The following FRMD4A variants were observed in gnomAD, a reference collection of about 807,000 sequenced individuals.
FRMD4A encodes the protein FERM domain-containing protein 4A.
FRMD4A carries 29 observed loss-of-function variants against 129.1 expected under a neutral mutation model. The observed-to-expected ratio is 0.22, with a 90% CI of 0.17 to 0.31. The LOEUF (loss-of-function observed/expected upper bound fraction) is 0.31. FRMD4A is among the 10% of genes least tolerant of loss of function. The pLI, the probability that FRMD4A is intolerant of heterozygous loss-of-function variation, is 1.00. For missense variants in FRMD4A, 1,272 were observed against 1,375.8 expected (o/e 0.92, Z 1.19); for synonymous variants, 634 against 571.6 (o/e 1.11, Z -1.56).
intron 2 of FRMD4A, among the ~76,000 whole-genome samples, chr10:14,152,272 C>T (rs956798575): frequency 6.6e-6 from 1 of 151,726 alleles, no homozygotes; most frequent in African/African-American, 2.4e-5. Flanking sequence ...GGACTACAGA[C>T]ACCCGCCACC....
Position 13,645,369 on chromosome 10 carries a change from T to TC in FRMD4A, c.*1668dup, listed in dbSNP as rs1482104456. 6.7e-5 allele frequency: 5 copies of TC among 75,126 alleles called. No individual in the cohort carries two copies. The East Asian group carries it at 1.9e-3, about 29-fold the overall frequency. The allele number at this position is 75,126 out of a possible 1,614,324, so 4.7% of individuals were successfully genotyped here. The stretch of plus-strand genomic sequence containing the variant: ...AGAAAAAAATTCCACCCCCACCCCA[T>TC]CCCCCCACCACTTGCGCCAAAAGCA... On this transcript the variant is annotated 3_prime_UTR_variant, in exon 25 of 25. Coordinates refer to ENST00000357447, the MANE Select transcript of FRMD4A (RefSeq NM_018027.5).
intron 2 of FRMD4A, among the ~76,000 whole-genome samples, chr10:14,213,907 G>T (rs1013046072): frequency 6.6e-6 from 1 of 152,150 alleles, no homozygotes; most frequent in African/African-American, 2.4e-5. Flanking sequence ...CCTTTCACTT[G>T]GGTTTCGTTC....
chr10:13,929,381 C>G (rs985582257), intron 2 of FRMD4A, among the ~76,000 whole-genome samples: 1 of 152,208 alleles, frequency 6.6e-6, no homozygotes, highest in Admixed American at 6.5e-5. Flanking sequence ...TTGTGTCCAC[C>G]TGGCAGGTGC....
intron 2 of FRMD4A, among the ~76,000 whole-genome samples, chr10:13,874,998 A>G (rs780773006): frequency 1.3e-5 from 2 of 152,154 alleles, no homozygotes; most frequent in Admixed American, 6.6e-5. Flanking sequence ...GGGACACCCT[A>G]ACTCACACCT....
intron 2 of FRMD4A, among the ~76,000 whole-genome samples, chr10:14,097,997 G>T (rs2400035): frequency 0.22 from 28,270 of 126,230 alleles, 5,232 homozygotes; most frequent in East Asian, 0.36. Flanking sequence ...ATAAATTATA[G>T]ATTATATATA....
In FRMD4A at chr10:13,696,090, C is replaced by T. The variant is rs576321084; in HGVS notation, c.976-2051G>A. On this transcript the variant is annotated intron_variant, in intron 14 of 24. Coordinates refer to ENST00000357447, the MANE Select transcript of FRMD4A (RefSeq NM_018027.5). ...CCTCGACTTATGCTTCCTTGCTAAC[C>T]TCAACTTTTTTCCTTGCATTCAGAC... 2.6e-5 allele frequency among the ~76,000 whole-genome samples: 4 copies of T among 152,328 alleles called. No individual in the cohort carries two copies. The South Asian group carries it at 6.2e-4, about 24-fold the overall frequency.
intron 2 of FRMD4A, among the ~76,000 whole-genome samples, chr10:14,125,300 AT>A (rs1387584980): frequency 3.9e-5 from 6 of 152,290 alleles, no homozygotes; most frequent in Non-Finnish European, 5.9e-5. Context: ...CCTTTGAAAT[AT>A]TATTTTAGAT....
intron 2 of FRMD4A, among the ~76,000 whole-genome samples, chr10:14,067,317 C>CA (rs998584940): frequency 4.0e-5 from 6 of 149,354 alleles, no homozygotes; most frequent in East Asian, 2.0e-4. Flanking sequence ...GACTCCCTCT[C>CA]AAAAAAAAAT....
intron 2 of FRMD4A, among the ~76,000 whole-genome samples, chr10:14,086,810 C>A (rs11258857): frequency 2.0e-5 from 3 of 152,168 alleles, no homozygotes; most frequent in Non-Finnish European, 4.4e-5. Flanking sequence ...GGTCTTCTGT[C>A]TGATTCTGGG....
rs375507507 is a variant in FRMD4A at position 13,670,402 on chromosome 10, G to A, written c.1374+4C>T. ...GAATCCAACAACAGAAAGGAAGGAC[G>A]CACCTCTCCTTTGGGCAGGATTTTC... On this transcript the variant is annotated splice_donor_region_variant and intron_variant, in intron 17 of 24. Transcript: ENST00000357447. The A allele has an allele frequency of 1.3e-5, 21 of 1,611,916 alleles. No individual in the cohort carries two copies. The highest frequency in any genetic ancestry group is 6.7e-5 in the African/African-American group (5 of 74,862).
At chr10:13,890,910 C>G (rs2094687924) in intron 2 of FRMD4A, 3 of 958,256 alleles carry the variant, frequency 3.1e-6, no homozygotes, top group Non-Finnish European at 3.7e-6. Flanking sequence ...AATGTACGAA[C>G]AGTTACTCTG....
At chr10:14,254,297 A>G (rs1844536258) in intron 2 of FRMD4A, among the ~76,000 whole-genome samples, 1 of 152,230 alleles carries the variant, frequency 6.6e-6, no homozygotes, top group African/African-American at 2.4e-5. Flanking sequence ...CCGGTTCTGT[A>G]TGCATCTATT....
intron 15 of FRMD4A, among the ~76,000 whole-genome samples, chr10:13,681,424 T>G (rs949433022): frequency 6.6e-6 from 1 of 152,172 alleles, no homozygotes; most frequent in Non-Finnish European, 1.5e-5. Context: ...AGGGCGAGAT[T>G]TCAAAGGTTA....
chr10:14,163,966 G>A (rs1283460458), intron 2 of FRMD4A, among the ~76,000 whole-genome samples: 3 of 152,170 alleles, frequency 2.0e-5, no homozygotes, highest in South Asian at 2.1e-4. Flanking sequence ...GCCCCGAGGC[G>A]TGGCTACCCA....
intron 6 of FRMD4A, among the ~76,000 whole-genome samples, chr10:13,777,573 A>G (rs1182019360): frequency 1.3e-5 from 2 of 152,078 alleles, no homozygotes; most frequent in Admixed American, 1.3e-4. Flanking sequence ...CCTTGAACCT[A>G]AATGTGGCTG....
intron 2 of FRMD4A, among the ~76,000 whole-genome samples, chr10:14,182,873 G>A (rs983783232): frequency 1.3e-5 from 2 of 152,196 alleles, no homozygotes; most frequent in Admixed American, 6.5e-5. Flanking sequence ...TCAAGTGGAA[G>A]CAAACGTTGG....
Position 13,787,121 on chromosome 10 carries a change from C to T in FRMD4A, c.300-4115G>A, listed in dbSNP as rs1324421673. Reference sequence around the variant, plus strand: ...GGGGCAGAGAAGGTACAGGAAATAACACGCATATTCTGAGATGAAGAGAAA... The same window carrying T: ...GGGGCAGAGAAGGTACAGGAAATAATACGCATATTCTGAGATGAAGAGAAA... On this transcript the variant is annotated intron_variant, in intron 5 of 24. Coordinates refer to ENST00000357447, the MANE Select transcript of FRMD4A (RefSeq NM_018027.5). 1.3e-5 allele frequency among the ~76,000 whole-genome samples: 2 copies of T among 152,110 alleles called. 1 individual carries two copies. The highest frequency in any genetic ancestry group is 4.2e-4 in the South Asian group (2 of 4,812).
chr10:13,908,303 C>A (rs1406920941), intron 2 of FRMD4A, among the ~76,000 whole-genome samples: 1 of 151,862 alleles, frequency 6.6e-6, no homozygotes, highest in Non-Finnish European at 1.5e-5. Context: ...GCTTCTCATC[C>A]TTTTTCCTTC....
At position 13,680,669 on chromosome 10, in the gene FRMD4A, T is replaced by C. The variant is rs568852060; in HGVS notation, c.1118-5625A>G. Among the ~76,000 whole-genome samples, 30 of 151,852 alleles carry C rather than the reference T, an allele frequency of 2.0e-4. 1 individual carries two copies. In the East Asian group the frequency reaches 3.5e-3, roughly 18 times the overall value. On this transcript the variant is annotated intron_variant, in intron 15 of 24. Coordinates refer to ENST00000357447, the MANE Select transcript of FRMD4A (RefSeq NM_018027.5). ...TGAACCTCGGAGGCGGAGGTTGCGGTGAGCTGAGATGGCGCCACTGCACTC... is the reference window on the plus strand; with the variant it reads ...TGAACCTCGGAGGCGGAGGTTGCGGCGAGCTGAGATGGCGCCACTGCACTC...
Sources: gnomAD v4.1 joint callset for allele counts (sites outside exome capture counted in the v4.1 genomes callset) on GRCh38, gnomAD v4.1.1 for gene constraint, MANE v1.5 for transcripts, NCBI Gene and HGNC (gene_info 2026-07-23, HGNC 2026-07-21) for gene names.